Variants in BMPER observed in about 807,000 individuals in gnomAD.
The protein encoded by BMPER is BMP-binding endothelial regulator protein.
BMPER carries 45 observed loss-of-function variants against 87.3 expected under a neutral mutation model. The ratio of observed to expected loss-of-function variants is 0.52; its 90% CI spans 0.41 to 0.66. The LOEUF is 0.66. BMPER is among the 30% of genes least tolerant of loss of function. The pLI, the probability that BMPER is intolerant of heterozygous loss-of-function variation, is 0.00. For missense variants in BMPER, 784 were observed against 867.5 expected, an observed-to-expected ratio of 0.90 and a Z score of 1.21; for synonymous variants, 326 against 316.2, an observed-to-expected ratio of 1.03 and a Z score of -0.33.
At chr7:33,995,155 TCTTTA>T (rs1238047319) in intron 6 of BMPER, among the ~76,000 whole-genome samples, 3 of 152,194 alleles carry the variant, frequency 2.0e-5, no homozygotes, top group Non-Finnish European at 4.4e-5. Context: ...ATGCAAAAAG[TCTTTA>T]CTTATGATTG....
chr7:33,916,302 C>T (rs958896509), intron 2 of BMPER, among the ~76,000 whole-genome samples: 2 of 152,172 alleles, frequency 1.3e-5, no homozygotes, highest in Admixed American at 6.5e-5. Context: ...TTACAAACAA[C>T]GAATCAGAGT....
Position 34,051,849 on chromosome 7 carries a change from G to A in BMPER, c.677-12G>A. 3.7e-6 allele frequency: 6 copies of A among 1,600,886 alleles called. No individual in the cohort carries two copies. The highest frequency in any genetic ancestry group is 5.1e-6 in the Non-Finnish European group (6 of 1,167,958). On this transcript the variant is annotated splice_polypyrimidine_tract_variant and intron_variant, in intron 7 of 14. Coordinates refer to ENST00000649409, the MANE Select transcript of BMPER (RefSeq NM_001365308.1). ...TCTGTCTTACTTACACTGTGCTTCT[G>A]TTTCTCTCTAGGTCAGAGGAAAGTG...
intron 2 of BMPER, among the ~76,000 whole-genome samples, chr7:33,914,622 A>G (rs1784046073): frequency 6.6e-6 from 1 of 152,202 alleles, no homozygotes; most frequent in Non-Finnish European, 1.5e-5. Context: ...GAGGTTAGCA[A>G]TTTGTTACCT....
chr7:33,909,088 C>A (rs964167946), intron 2 of BMPER, among the ~76,000 whole-genome samples: 1 of 152,156 alleles, frequency 6.6e-6, no homozygotes, highest in Non-Finnish European at 1.5e-5. Context: ...TTTATGTGTA[C>A]TATTTTTATT....
rs748142596 is a variant in BMPER, at chr7:33,937,285, C to A, written c.220-4C>A. On this transcript the variant is annotated splice_region_variant and splice_polypyrimidine_tract_variant and intron_variant, in intron 2 of 14. Transcript: ENST00000649409. ...TCAAATCTCTCGTGTCTCTTTTTGTCTAGAACAAGGAAGTGACATGTAAGA... is the reference window on the plus strand; with the variant it reads ...TCAAATCTCTCGTGTCTCTTTTTGTATAGAACAAGGAAGTGACATGTAAGA... 1.2e-6 allele frequency: 2 copies of A among 1,613,242 alleles called. No homozygotes were observed. The highest frequency in any genetic ancestry group is 2.2e-5 in the South Asian group (2 of 91,056).
chr7:33,994,140 G>T (rs1249748241), intron 6 of BMPER, among the ~76,000 whole-genome samples: 3 of 152,188 alleles, frequency 2.0e-5, no homozygotes, highest in African/African-American at 4.8e-5. Flanking sequence ...AGCTGTGGTG[G>T]GCTCCACCCA....
intron 3 of BMPER, among the ~76,000 whole-genome samples, chr7:33,964,797 C>G (rs978628968): frequency 5.3e-5 from 8 of 152,182 alleles, no homozygotes; most frequent in East Asian, 3.8e-4. Flanking sequence ...AAAAATCACC[C>G]TTTCTTTCAG....
At chr7:34,132,861 TGATG>T (rs1790629513) in intron 13 of BMPER, among the ~76,000 whole-genome samples, 1 of 152,200 alleles carries the variant, frequency 6.6e-6, no homozygotes, top group Non-Finnish European at 1.5e-5. Context: ...TTTTGGTCCC[TGATG>T]GTATTACCAC....
At chr7:33,958,277 C>T (rs1785193285) in intron 3 of BMPER, among the ~76,000 whole-genome samples, 1 of 152,134 alleles carries the variant, frequency 6.6e-6, no homozygotes, top group South Asian at 2.1e-4. Flanking sequence ...AGGGCTGAAT[C>T]CCATTGCAAA....
At chr7:34,108,851 T>A (rs1789890133) in intron 13 of BMPER, among the ~76,000 whole-genome samples, 1 of 152,234 alleles carries the variant, frequency 6.6e-6, no homozygotes, top group South Asian at 2.1e-4. Context: ...TACATAGGTC[T>A]AATTTTCACC....
intron 13 of BMPER, among the ~76,000 whole-genome samples, chr7:34,125,202 T>C (rs1318944871): frequency 1.3e-5 from 2 of 152,182 alleles, no homozygotes; most frequent in African/African-American, 2.4e-5. Context: ...CCATATAAAA[T>C]TATTATAATT....
chr7:33,958,580 A>G (rs370458570), intron 3 of BMPER, among the ~76,000 whole-genome samples: 173 of 152,226 alleles, frequency 1.1e-3, no homozygotes, highest in African/African-American at 3.7e-3. Context: ...CAGAGACAAC[A>G]TTTTTACTAC....
intron 13 of BMPER, among the ~76,000 whole-genome samples, chr7:34,140,100 A>G (rs1790824986): frequency 6.6e-6 from 1 of 152,174 alleles, no homozygotes; most frequent in African/African-American, 2.4e-5. Context: ...GCAGTTCTGG[A>G]TCTGTGATCA....
At chr7:34,153,067 G>A (rs1459117814) in intron 14 of BMPER, 25 bp from the exon 15 acceptor site, 3 of 1,613,540 alleles carry the variant, frequency 1.9e-6, no homozygotes, top group Admixed American at 1.7e-5. Flanking sequence ...TCCATGTTAT[G>A]CCTTTGTCTC....
At chr7:34,134,308 G>C (rs1790665530) in intron 13 of BMPER, among the ~76,000 whole-genome samples, 1 of 152,188 alleles carries the variant, frequency 6.6e-6, no homozygotes, top group African/African-American at 2.4e-5. Context: ...AAAAAGGTGA[G>C]TTGTTTGATT....
chr7:34,051,752 TTACG>T, intron 7 of BMPER, 105 bp from the exon 8 acceptor site: 1 of 948,170 alleles, frequency 1.1e-6, no homozygotes, highest in Non-Finnish European at 1.7e-6. Context: ...TGCTCCAGAC[TTACG>T]TGGTCTTATA....
intron 6 of BMPER, among the ~76,000 whole-genome samples, chr7:34,040,742 A>G (rs4723349): frequency 0.49 from 75,055 of 151,926 alleles, 18,848 homozygotes; most frequent in African/African-American, 0.58. Context: ...TGAACACTTT[A>G]TCTTCTTCCT....
intron 2 of BMPER, among the ~76,000 whole-genome samples, chr7:33,918,883 G>A (rs1784147056): frequency 6.6e-6 from 1 of 152,210 alleles, no homozygotes; most frequent in Non-Finnish European, 1.5e-5. Flanking sequence ...CAAATGAGAA[G>A]TTGTGGAAGA....
intron 6 of BMPER, among the ~76,000 whole-genome samples, chr7:34,009,140 G>A (rs1328781575): frequency 6.6e-6 from 1 of 151,672 alleles, no homozygotes; most frequent in African/African-American, 2.4e-5. Context: ...TTTAATTTTA[G>A]ATGATCCTTC....
Sources: allele counts gnomAD v4.1 joint callset (sites outside exome capture counted in the v4.1 genomes callset), GRCh38; gene constraint gnomAD v4.1.1; transcripts MANE v1.5; gene names NCBI Gene and HGNC (gene_info 2026-07-23, HGNC 2026-07-21).